The following TMEM63B variants were observed in gnomAD, a reference collection of about 807,000 sequenced individuals.
TMEM63B encodes mechanosensitive cation channel TMEM63B.
A neutral mutation model predicts 102.6 loss-of-function variants in TMEM63B; 23 were observed. The observed-to-expected ratio is 0.22, with a 90% confidence interval of 0.16 to 0.32. TMEM63B has a LOEUF of 0.32. TMEM63B is among the 10% of genes least tolerant of loss of function. TMEM63B has a pLI of 1.00. For missense variants in TMEM63B, 628 were observed against 1,095.9 expected, an observed-to-expected ratio of 0.57 and a Z score of 6.03; for synonymous variants, 444 against 437.0, an observed-to-expected ratio of 1.02 and a Z score of -0.20.
chr6:44,134,750 G>A lies in TMEM63B; in HGVS notation c.159+7G>A. 1 of 1,610,402 alleles carries A rather than the reference G, an allele frequency of 6.2e-7. No individual in the cohort carries two copies. Among genetic ancestry groups the A allele is most frequent in the Non-Finnish European group, 8.5e-7 (1 of 1,177,542 alleles). On this transcript the variant is annotated splice_region_variant and intron_variant, in intron 2 of 23. Transcript: ENST00000323267. The stretch of plus-strand genomic sequence containing the variant: ...CGACTTCATGTGCTTCCTTGTAAGT[G>A]CCTGCTGCCACCCCTTACCTTGGCA...
chr6:44,134,754 G>A lies in TMEM63B; in HGVS notation c.159+11G>A, dbSNP rs1762583391. The A allele has an allele frequency of 1.2e-6, 2 of 1,609,806 alleles. No individual in the cohort carries two copies. Among genetic ancestry groups the A allele is most frequent in the African/African-American group, 2.7e-5 (2 of 74,866 alleles). ...TTCATGTGCTTCCTTGTAAGTGCCT[G>A]CTGCCACCCCTTACCTTGGCATCCA... On this transcript the variant is annotated intron_variant, in intron 2 of 23. Coordinates refer to ENST00000323267, the MANE Select transcript of TMEM63B (RefSeq NM_018426.3).
At chr6:44,144,461 T>C (rs1385280014) in intron 10 of TMEM63B, among the ~76,000 whole-genome samples, 1 of 152,204 alleles carries the variant, frequency 6.6e-6, no homozygotes, top group Non-Finnish European at 1.5e-5. Flanking sequence ...TCTAGCCTCC[T>C]GGGAAGTACA....
At position 44,139,772 on chromosome 6, in the gene TMEM63B, G is replaced by A. The variant is rs1344490357; in HGVS notation, c.602+13G>A. 1.2e-6 allele frequency: 2 copies of A among 1,614,072 alleles called. No homozygotes were observed. The highest frequency in any genetic ancestry group is 1.7e-6 in the Non-Finnish European group (2 of 1,180,060). ...ACTTGAAATCAGGGTAAGATGCGAA[G>A]CTGGTCGGCCAGGCCAAGGTCTACG... On this transcript the variant is annotated intron_variant, in intron 8 of 23. Transcript: ENST00000323267.
Position 44,155,265 on chromosome 6 carries a change from C to T in TMEM63B, c.*382C>T, listed in dbSNP as rs377258360. On this transcript the variant is annotated 3_prime_UTR_variant, in exon 24 of 24. Coordinates refer to ENST00000323267, the MANE Select transcript of TMEM63B (RefSeq NM_018426.3). ...AGGTGGATCTGGGGCTGTTCCCCCC[C>T]CTCCGTTTTTTCCACCCCACAGTTC... is the stretch of plus-strand genomic sequence containing the variant. The T allele has an allele frequency of 9.6e-5, 15 of 155,914 alleles. No homozygotes were observed. The highest frequency in any genetic ancestry group is 4.1e-4 in the South Asian group (2 of 4,934). The allele number at this position is 155,914 out of a possible 1,614,324, so 9.7% of individuals were successfully genotyped here.
At chr6:44,128,278 A>T (rs905826442) in intron 1 of TMEM63B, among the ~76,000 whole-genome samples, 2 of 151,914 alleles carry the variant, frequency 1.3e-5, no homozygotes, top group Non-Finnish European at 2.9e-5. Context: ...GGCGGGCTGG[A>T]GAGGCGGCCG....
chr6:44,139,349 C>A, intron 6 of TMEM63B, 118 bp from the exon 7 acceptor site: 1 of 1,282,448 alleles, frequency 7.8e-7, no homozygotes, highest in Non-Finnish European at 1.1e-6. Context: ...TATACTACTG[C>A]CAGATCAGCT....
chr6:44,147,734 C>T (rs373450120), intron 12 of TMEM63B, among the ~76,000 whole-genome samples: 1 of 152,246 alleles, frequency 6.6e-6, no homozygotes, highest in African/African-American at 2.4e-5. Context: ...GGGACTTGAG[C>T]AAGTTGCTTA....
rs1263335042 is a variant in TMEM63B, at chr6:44,134,683, G to A, written c.99G>A (p.Leu33=). The A allele has an allele frequency of 6.2e-7, 1 of 1,614,210 alleles. No individual in the cohort carries two copies. The highest frequency in any genetic ancestry group is 2.2e-5 in the East Asian group (1 of 44,890). Residue 33 remains leucine (L), a synonymous_variant, in exon 2 of 24, where the codon CTG becomes CTA. Transcript: ENST00000323267. ...CYSARIRSTV[L]QGLPFGGVPT... is the part of the protein sequence containing the mutation. ...GCGCCCGCATCCGCAGCACTGTCCTGCAGGGCCTGCCCTTTGGGGGCGTCC... is the reference window on the plus strand; with the variant it reads ...GCGCCCGCATCCGCAGCACTGTCCTACAGGGCCTGCCCTTTGGGGGCGTCC...
chr6:44,148,191 A>G lies in TMEM63B; in HGVS notation c.988-61A>G, dbSNP rs536608448. On this transcript the variant is annotated intron_variant, in intron 12 of 23. Transcript: ENST00000323267. This position sits in a 1 kb window ranked among gnomAD's most constrained non-coding sequence, Gnocchi z 5.1. ...GAAGCCCCAAGTCAGCGTGGGCTGG[A>G]TGCTGCAGGCCCCAGCCTGGCTTTC... 1 of 1,600,452 alleles carries G rather than the reference A, an allele frequency of 6.2e-7. No individual in the cohort carries two copies. The highest frequency in any genetic ancestry group is 1.3e-5 in the African/African-American group (1 of 74,500).
chr6:44,138,802 C>T, intron 6 of TMEM63B: 1 of 405,716 alleles, frequency 2.5e-6, no homozygotes. Flanking sequence ...GCCTCAACCT[C>T]TGTGCAGCCA....
In TMEM63B at chr6:44,148,149, C is replaced by G; in HGVS notation, c.988-103C>G. On this transcript the variant is annotated intron_variant, in intron 12 of 23. Transcript: ENST00000323267. The surrounding 1 kb of genome is among the most constrained non-coding windows in gnomAD (Gnocchi z 5.1). ...AAAAAAAAAAAAATGCTTAGAGGAG[C>G]AGTGCCTGGCTTGTAGGAAGCCCCA... 3 of 1,513,398 alleles carry G rather than the reference C, an allele frequency of 2.0e-6. No individual in the cohort carries two copies. The highest frequency in any genetic ancestry group is 2.3e-4 in the Middle Eastern group (1 of 4,296). The allele number at this position is 1,513,398 out of a possible 1,614,324, so 93.7% of individuals were successfully genotyped here.
intron 4 of TMEM63B, among the ~76,000 whole-genome samples, chr6:44,136,139 C>T (rs1442260146): frequency 2.0e-5 from 3 of 152,180 alleles, no homozygotes; most frequent in African/African-American, 7.2e-5. Flanking sequence ...CATCAGTGCC[C>T]ACCTCCGCTC....
intron 10 of TMEM63B, among the ~76,000 whole-genome samples, chr6:44,142,384 G>A (rs889092376): frequency 1.3e-5 from 2 of 151,714 alleles, no homozygotes; most frequent in African/African-American, 4.8e-5. Flanking sequence ...ACAAAAATTA[G>A]CCAGGCATGG....
chr6:44,147,301 G>C, intron 11 of TMEM63B, 76 bp from the exon 12 acceptor site: 2 of 1,609,628 alleles, frequency 1.2e-6, no homozygotes, highest in South Asian at 2.2e-5. Flanking sequence ...CTGTCCTTGG[G>C]GAGTGAGCTA....
chr6:44,151,294 T>C (rs1021714305), intron 18 of TMEM63B, among the ~76,000 whole-genome samples: 1 of 152,188 alleles, frequency 6.6e-6, no homozygotes, highest in Non-Finnish European at 1.5e-5. Flanking sequence ...TCATGCACCA[T>C]GGCTGTGGGC....
At chr6:44,142,334 A>G (rs1254719700) in intron 10 of TMEM63B, among the ~76,000 whole-genome samples, 1 of 150,356 alleles carries the variant, frequency 6.7e-6, no homozygotes, top group Non-Finnish European at 1.5e-5. Flanking sequence ...ATATGGTGAA[A>G]CCCCGTCTCT....
Position 44,153,740 on chromosome 6 carries a change from G to A in TMEM63B, c.2007G>A (p.Pro669=), listed in dbSNP as rs764029672. 22 of 1,614,008 alleles carry A rather than the reference G, an allele frequency of 1.4e-5. No individual in the cohort carries two copies. Among genetic ancestry groups the A allele is most frequent in the Non-Finnish European group, 1.7e-5 (20 of 1,180,026 alleles). ...ACAATCTCTACTACGCCTACCTGCC[G>A]GCCAAGCTGGACAAGAAGATCCACT... is the stretch of plus-strand genomic sequence containing the variant. ...DRYNLYYAYL[P]AKLDKKIHSG... The change falls in exon 21 of 24, where the codon CCG becomes CCA. Residue 669 remains proline, a synonymous_variant. Transcript: ENST00000323267.
rs140257203 is a variant in TMEM63B, at chr6:44,128,544, A to T, written c.-25+866A>T. On this transcript the variant is annotated intron_variant, in intron 1 of 23. Coordinates refer to ENST00000323267, the MANE Select transcript of TMEM63B (RefSeq NM_018426.3). Reference sequence around the variant, plus strand: ...GCTTGGGAAGTGGGGAGGAGAGGTCAGAGGGGCTGGCTGCCCTTGGGGCGC... The same window carrying T: ...GCTTGGGAAGTGGGGAGGAGAGGTCTGAGGGGCTGGCTGCCCTTGGGGCGC... 3.6e-3 allele frequency among the ~76,000 whole-genome samples: 555 copies of T among 152,346 alleles called. 2 individuals are homozygous for T. The highest frequency in any genetic ancestry group is 0.01 in the Middle Eastern group (3 of 294).
intron 12 of TMEM63B, 52 bp downstream of exon 12, chr6:44,147,552 A>C (rs981837119): frequency 6.3e-7 from 1 of 1,599,344 alleles, no homozygotes; most frequent in Non-Finnish European, 8.5e-7. Flanking sequence ...GGTCCTGGGC[A>C]GGCAAGGCTG....
Sources: allele counts gnomAD v4.1 joint callset (sites outside exome capture counted in the v4.1 genomes callset), GRCh38; gene constraint gnomAD v4.1.1; non-coding constraint Gnocchi (gnomAD v3.1); transcripts MANE v1.5; gene names NCBI Gene and HGNC (gene_info 2026-07-23, HGNC 2026-07-21).